RBKS: variants seen among roughly 807,000 people sequenced by gnomAD.
RBKS encodes ribokinase.
RBKS carries 33 observed loss-of-function variants against 33.9 expected under a neutral mutation model. That is an observed-to-expected ratio of 0.97 (90% CI 0.74 to 1.30). RBKS has a LOEUF of 1.30. Among genes scored for constraint, RBKS ranks in the 50% most tolerant of loss-of-function variants. The pLI is 0.00. For synonymous variants in RBKS, 125 were observed against 143.0 expected, an observed-to-expected ratio of 0.87 and a Z score of 0.90; for missense variants, 361 against 392.6, an observed-to-expected ratio of 0.92 and a Z score of 0.68.
intron 1 of RBKS, among the ~76,000 whole-genome samples, chr2:27,873,146 A>G (rs1664247896): frequency 6.6e-6 from 1 of 152,240 alleles, no homozygotes; most frequent in Non-Finnish European, 1.5e-5. Context: ...ATTCTGGGTC[A>G]CCTTGCAAAC....
intron 6 of RBKS, among the ~76,000 whole-genome samples, chr2:27,832,347 T>G (rs779063437): frequency 2.6e-5 from 4 of 152,208 alleles, no homozygotes; most frequent in Admixed American, 6.5e-5. Context: ...GCATCCTGCA[T>G]TTTTACTTGC....
At chr2:27,830,676 C>T (rs1256154627) in intron 6 of RBKS, among the ~76,000 whole-genome samples, 1 of 151,886 alleles carries the variant, frequency 6.6e-6, no homozygotes, top group Non-Finnish European at 1.5e-5. Context: ...TACTAAGTGC[C>T]AGCTATGTGC....
chr2:27,803,511 G>A (rs143191628), intron 7 of RBKS, among the ~76,000 whole-genome samples: 17 of 151,912 alleles, frequency 1.1e-4, no homozygotes, highest in Non-Finnish European at 2.2e-4. Flanking sequence ...GCAACATGGT[G>A]AGACCCTGTG....
chr2:27,810,045 A>G lies in RBKS; in HGVS notation c.795+17522T>C. The G allele has an allele frequency of 7.7e-7, 1 of 1,304,210 alleles. No individual in the cohort carries two copies. Among genetic ancestry groups the G allele is most frequent in the Non-Finnish European group, 1.0e-6 (1 of 988,956 alleles). The allele number at this position is 1,304,210 out of a possible 1,614,324, so 80.8% of individuals were successfully genotyped here. Reference sequence around the variant, plus strand: ...CTCTTGGGTCTTGAGCCAGGTCTACACTGTGAAAATGAAGGAAGGAACTGA... The same window carrying G: ...CTCTTGGGTCTTGAGCCAGGTCTACGCTGTGAAAATGAAGGAAGGAACTGA... On this transcript the variant is annotated intron_variant, in intron 7 of 7. Coordinates refer to ENST00000302188, the MANE Select transcript of RBKS (RefSeq NM_022128.3). The surrounding 1 kb of genome is among the most constrained non-coding windows in gnomAD (Gnocchi z 4.4).
chr2:27,861,268 T>G (rs1434533936), intron 1 of RBKS: 2 of 284,144 alleles, frequency 7.0e-6, no homozygotes, highest in African/African-American at 4.5e-5. Flanking sequence ...GCGCCCAGCC[T>G]CCCTTTGTCT....
intron 1 of RBKS, among the ~76,000 whole-genome samples, chr2:27,859,334 T>C (rs1318921395): frequency 6.6e-6 from 1 of 152,224 alleles, no homozygotes; most frequent in Non-Finnish European, 1.5e-5. Context: ...TTTAATAATT[T>C]AATACTTATT....
chr2:27,881,792 A>G (rs973998748), intron 1 of RBKS, among the ~76,000 whole-genome samples: 11 of 152,178 alleles, frequency 7.2e-5, no homozygotes, highest in African/African-American at 2.7e-4. Context: ...GATCTTTGAC[A>G]AAACAGATAA....
At chr2:27,883,293 T>C (rs1189611980) in intron 1 of RBKS, among the ~76,000 whole-genome samples, 1 of 151,476 alleles carries the variant, frequency 6.6e-6, no homozygotes, top group East Asian at 1.9e-4. Flanking sequence ...TCCGCCTCCC[T>C]GGTTCACACC....
At chr2:27,883,281 G>A (rs1009744776) in intron 1 of RBKS, among the ~76,000 whole-genome samples, 3 of 150,616 alleles carry the variant, frequency 2.0e-5, no homozygotes, top group Non-Finnish European at 4.4e-5. Context: ...CTCACTGCAA[G>A]CTCCGCCTCC....
intron 7 of RBKS, among the ~76,000 whole-genome samples, chr2:27,801,646 C>T (rs569477158): frequency 1.5e-4 from 23 of 152,028 alleles, no homozygotes; most frequent in South Asian, 8.3e-4. Context: ...TAAAGAAATA[C>T]CTGAGGCTGG....
chr2:27,806,510 GAGGT>G (rs1677898875), intron 7 of RBKS, among the ~76,000 whole-genome samples: 1 of 152,226 alleles, frequency 6.6e-6, no homozygotes, highest in African/African-American at 2.4e-5. Flanking sequence ...GCAATGCCGT[GAGGT>G]AGGTAGGGTG....
intron 5 of RBKS, among the ~76,000 whole-genome samples, chr2:27,835,392 T>G (rs953596761): frequency 6.6e-6 from 1 of 151,978 alleles, no homozygotes; most frequent in Non-Finnish European, 1.5e-5. Flanking sequence ...AATTTATTTA[T>G]AAGTGAACAA....
chr2:27,880,882 C>A (rs1031190422), intron 1 of RBKS, among the ~76,000 whole-genome samples: 1 of 152,096 alleles, frequency 6.6e-6, no homozygotes, highest in African/African-American at 2.4e-5. Flanking sequence ...TATTAAGCTA[C>A]CATGACATTC....
intron 1 of RBKS, among the ~76,000 whole-genome samples, chr2:27,881,779 T>C (rs1664421470): frequency 6.6e-6 from 1 of 152,038 alleles, no homozygotes. Context: ...CCTACAACCA[T>C]CTGATCTTTG....
chr2:27,784,748 G>A (rs58314053), intron 7 of RBKS, among the ~76,000 whole-genome samples: 1 of 152,196 alleles, frequency 6.6e-6, no homozygotes, highest in African/African-American at 2.4e-5. Flanking sequence ...TTGCCAAGGG[G>A]TGATAGTAAT....
chr2:27,824,876 C>T (rs1285068341), intron 7 of RBKS, among the ~76,000 whole-genome samples: 1 of 152,136 alleles, frequency 6.6e-6, no homozygotes, highest in Non-Finnish European at 1.5e-5. Context: ...TGGCTCATTG[C>T]CTATAATCCC....
At chr2:27,791,660 T>C (rs1677528269) in intron 7 of RBKS, among the ~76,000 whole-genome samples, 1 of 150,400 alleles carries the variant, frequency 6.6e-6, no homozygotes, top group Non-Finnish European at 1.5e-5. Flanking sequence ...TACATATACA[T>C]ATACATATAC....
chr2:27,827,500 G>T, intron 7 of RBKS, 67 bp downstream of exon 7: 1 of 1,367,496 alleles, frequency 7.3e-7, no homozygotes, highest in Non-Finnish European at 9.8e-7. Flanking sequence ...TTCAGGTACA[G>T]CATCTAATTA....
At chr2:27,884,358 C>T (rs989504451) in intron 1 of RBKS, among the ~76,000 whole-genome samples, 7 of 152,006 alleles carry the variant, frequency 4.6e-5, no homozygotes, top group Admixed American at 1.3e-4. Flanking sequence ...AGCGATCCTC[C>T]CACCTCAGCC....
Sources: gnomAD v4.1 joint callset for allele counts (sites outside exome capture counted in the v4.1 genomes callset) on GRCh38, gnomAD v4.1.1 for gene constraint, Gnocchi (gnomAD v3.1) non-coding constraint, MANE v1.5 for transcripts, NCBI Gene and HGNC (gene_info 2026-07-23, HGNC 2026-07-21) for gene names.